The following ZFP64 variants were observed in gnomAD, a reference collection of about 807,000 sequenced individuals.
ZFP64 encodes the protein ZFP64 zinc finger protein.
Under a neutral mutation model 51.6 loss-of-function variants are expected in ZFP64, and 14 were observed. The observed-to-expected ratio is 0.27, with a 90% CI of 0.18 to 0.42. The LOEUF (loss-of-function observed/expected upper bound fraction) is 0.42, where lower values mean the gene tolerates loss of function less well. Ranked by LOEUF, ZFP64 falls within the 10% of genes least tolerant of loss-of-function variation. The probability of loss-of-function intolerance (pLI) is 1.00; values close to 1 mark genes in which losing one functional copy is unlikely to be tolerated. For synonymous variants in ZFP64, 375 were observed against 361.4 expected, an observed-to-expected ratio of 1.04 and a Z score of -0.43; for missense variants, 754 against 906.8, an observed-to-expected ratio of 0.83 and a Z score of 2.16.
intron 5 of ZFP64, among the ~76,000 whole-genome samples, chr20:52,113,234 T>C (rs1978686943): frequency 6.6e-6 from 1 of 151,306 alleles, no homozygotes; most frequent in Non-Finnish European, 1.5e-5. Context: ...CTCGGGAGGC[T>C]GAGGCAGGAG....
chr20:52,166,763 A>AATGTCCCTATAATTT (rs759986835), intron 2 of ZFP64, among the ~76,000 whole-genome samples: 1 of 152,172 alleles, frequency 6.6e-6, no homozygotes, highest in Non-Finnish European at 1.5e-5. Flanking sequence ...ATAAACAAGA[A>AATGTCCCTATAATTT]ATGTCCCTAT....
chr20:52,085,363 G>C lies in ZFP64; in HGVS notation c.1229-97C>G, dbSNP rs1335517471. 2 of 1,342,812 alleles carry C rather than the reference G, an allele frequency of 1.5e-6. No individual in the cohort carries two copies. Among genetic ancestry groups the C allele is most frequent in the Non-Finnish European group, 2.0e-6 (2 of 996,750 alleles). 83.2% of individuals were successfully genotyped at this position (1,342,812 alleles called of 1,614,324 possible). On this transcript the variant is annotated intron_variant, in intron 8 of 8. Coordinates refer to the ZFP64 transcript ENST00000361387. The surrounding 1 kb of genome is among the most constrained non-coding windows in gnomAD (Gnocchi z 4.3). ...CACACTTGGCCGCCATGAGATGGTTGGGTTTTGTGAACTCTAAACCCAACC... is the reference window on the plus strand; with the variant it reads ...CACACTTGGCCGCCATGAGATGGTTCGGTTTTGTGAACTCTAAACCCAACC...
chr20:52,092,357 C>T (rs1021119206), intron 7 of ZFP64, among the ~76,000 whole-genome samples: 2 of 148,362 alleles, frequency 1.3e-5, no homozygotes, highest in Non-Finnish European at 3.0e-5. Context: ...AAGATGTCTC[C>T]AGACATTGTT....
At position 52,105,311 on chromosome 20, in the gene ZFP64, A is replaced by G; in HGVS notation, c.764-6724T>C. On this transcript the variant is annotated intron_variant, in intron 5 of 8. Coordinates refer to the ZFP64 transcript ENST00000361387. ...CACAACGAATTCCCGGAGTTCGGAA[A>G]TTACCCCCCTTCGGCCGGAACGCGC... The G allele has an allele frequency of 2.4e-6, 3 of 1,257,120 alleles. No individual in the cohort carries two copies. The East Asian group carries it at 9.5e-5, about 40-fold the overall frequency. The allele number at this position is 1,257,120 out of a possible 1,614,324, so 77.9% of individuals were successfully genotyped here. A position where few individuals can be genotyped will look rare whatever the true frequency, so the allele number is the denominator to read the frequency against.
At chr20:52,175,319 C>A (rs192888294) in intron 2 of ZFP64, among the ~76,000 whole-genome samples, 149 of 152,080 alleles carry the variant, frequency 9.8e-4, no homozygotes, top group African/African-American at 3.5e-3. Context: ...GACGGGGTTT[C>A]GCCATGTTGG....
chr20:52,122,100 A>G (rs901759375), intron 5 of ZFP64, among the ~76,000 whole-genome samples: 5 of 152,224 alleles, frequency 3.3e-5, no homozygotes, highest in African/African-American at 9.6e-5. Flanking sequence ...CAATGCACCT[A>G]GTCACCCAAG....
At chr20:52,098,717 C>T in intron 5 of ZFP64, 1 of 1,266,956 alleles carries the variant, frequency 7.9e-7, no homozygotes, top group East Asian at 2.5e-5. Flanking sequence ...AAATGAAAGC[C>T]ATGTGACCAG....
At chr20:52,104,221 A>ACC (rs2079084788) in intron 5 of ZFP64, among the ~76,000 whole-genome samples, 1 of 151,972 alleles carries the variant, frequency 6.6e-6, no homozygotes, top group South Asian at 2.1e-4. Context: ...CCCCAACCCC[A>ACC]CCCCTGAGAT....
intron 5 of ZFP64, among the ~76,000 whole-genome samples, chr20:52,116,209 T>C (rs1370706658): frequency 1.3e-5 from 2 of 149,040 alleles, no homozygotes; most frequent in African/African-American, 5.0e-5. Context: ...GATCTTGGCT[T>C]ACTGTAACTT....
intron 5 of ZFP64, among the ~76,000 whole-genome samples, chr20:52,140,624 A>C (rs541823996): frequency 2.6e-4 from 40 of 152,328 alleles, no homozygotes; most frequent in African/African-American, 9.6e-4. Context: ...AAGTTGGTTC[A>C]GGAGGTTTAA....
chr20:52,169,801 A>G (rs1982567394), intron 2 of ZFP64, among the ~76,000 whole-genome samples: 1 of 152,186 alleles, frequency 6.6e-6, no homozygotes, highest in African/African-American at 2.4e-5. Context: ...CACCTGTAAC[A>G]CCAGCACTTT....
chr20:52,141,352 C>T lies in ZFP64; in HGVS notation c.763+18771G>A, dbSNP rs148257883. On this transcript the variant is annotated intron_variant, in intron 5 of 8. Coordinates refer to the ZFP64 transcript ENST00000361387. ...AATTGGAAACCTTCTAAAAAGGATT[C>T]AATATTCATTTATTTTTTTCACCAG... is the stretch of plus-strand genomic sequence containing the variant. Among the ~76,000 whole-genome samples, 220 of 152,234 alleles carry T rather than the reference C, an allele frequency of 1.4e-3. 1 individual carries two copies. The highest frequency in any genetic ancestry group is 3.4e-3 in the Middle Eastern group (1 of 294).
At chr20:52,176,542 G>A (rs1339251863) in intron 2 of ZFP64, among the ~76,000 whole-genome samples, 1 of 144,494 alleles carries the variant, frequency 6.9e-6, no homozygotes, top group Non-Finnish European at 1.5e-5. Context: ...TCGCTCTGTC[G>A]CCCAGGCCGG....
chr20:52,147,615 G>T (rs369416895), downstream of ZFP64, among the ~76,000 whole-genome samples: 2 of 152,026 alleles, frequency 1.3e-5, no homozygotes, highest in Non-Finnish European at 2.9e-5. Flanking sequence ...TCATTACTGA[G>T]AATTTTTCTT....
At position 52,153,152 on chromosome 20, in the gene ZFP64, T is replaced by C. The variant is rs746537962; in HGVS notation, c.1040A>G (p.Glu347Gly). 5.6e-6 allele frequency: 9 copies of C among 1,614,074 alleles called. No homozygotes were observed. The South Asian group carries it at 9.9e-5, about 18-fold the overall frequency. ...CTTGCTGGAGCAGGAGTAGCTGCATTCCGAGCACTTCTCAGGATGCTCCGA... is the reference window on the plus strand; with the variant it reads ...CTTGCTGGAGCAGGAGTAGCTGCATCCCGAGCACTTCTCAGGATGCTCCGA... The part of the protein sequence containing the change: ...HQSEHPEKCS[E>G]CSYSCSSKAA... Residue 347 changes from glutamate (E) to glycine (G), a missense_variant, in exon 6 of 6, where the codon GAA becomes GGA. Physicochemically the swap from Glu to Gly is moderately conservative, Grantham distance 98. Coordinates refer to ENST00000216923, the MANE Select transcript of ZFP64 (RefSeq NM_018197.3). The surrounding 1 kb of genome is among the most constrained non-coding windows in gnomAD (Gnocchi z 5.1).
At chr20:52,183,375 G>A (rs1983746100) in intron 2 of ZFP64, among the ~76,000 whole-genome samples, 1 of 152,136 alleles carries the variant, frequency 6.6e-6, no homozygotes, top group Non-Finnish European at 1.5e-5. Context: ...TTTTTATATG[G>A]CTCCCATCCA....
chr20:52,138,071 G>T (rs1980069852), intron 5 of ZFP64, among the ~76,000 whole-genome samples: 1 of 151,324 alleles, frequency 6.6e-6, no homozygotes. Context: ...GCCAGGCATG[G>T]AGGCACACAT....
rs542220779 is a variant in ZFP64 at position 52,144,562 on chromosome 20, G to C, written c.763+15561C>G. ...GCCACTGCACTCCAGCCTGGTGACA[G>C]AGCGAGACTCCGTCTCAAAAAAAAA... is the stretch of plus-strand genomic sequence containing the variant. On this transcript the variant is annotated intron_variant, in intron 5 of 8. Transcript: ENST00000361387. Among the ~76,000 whole-genome samples, 243 of 52,652 alleles carry C rather than the reference G, an allele frequency of 4.6e-3. 5 individuals carry two copies. Among genetic ancestry groups the C allele is most frequent in the African/African-American group, 0.023 (224 of 9,914 alleles). The allele number at this position is 52,652 out of a possible 152,430, so 34.5% of individuals were successfully genotyped here. A position where few individuals can be genotyped will look rare whatever the true frequency, so the allele number is the denominator to read the frequency against.
At chr20:52,112,648 T>TGGGACAGC (rs1978654353) in intron 5 of ZFP64, among the ~76,000 whole-genome samples, 2 of 151,576 alleles carry the variant, frequency 1.3e-5, no homozygotes, top group African/African-American at 4.8e-5. Flanking sequence ...AGAATCTTTC[T>TGGGACAGC]CTGTTACCCA....
Sources: gnomAD v4.1 joint callset for allele counts (sites outside exome capture counted in the v4.1 genomes callset) on GRCh38, gnomAD v4.1.1 for gene constraint, Gnocchi (gnomAD v3.1) non-coding constraint, MANE v1.5 for transcripts, NCBI Gene and HGNC (gene_info 2026-07-23, HGNC 2026-07-21) for gene names.